ATP7B: variants seen among roughly 807,000 people sequenced by gnomAD.
ATP7B encodes copper-transporting ATPase 2.
In ATP7B, 113 loss-of-function variants were observed where a neutral mutation model predicts 118.9. That is an observed-to-expected ratio of 0.95 (90% confidence interval 0.82 to 1.11). The LOEUF (loss-of-function observed/expected upper bound fraction) is 1.11. Among genes scored for constraint, ATP7B ranks in the 50% most tolerant of loss-of-function variants. The pLI, the probability that ATP7B is intolerant of heterozygous loss-of-function variation, is 0.00. For missense variants in ATP7B, 1,867 were observed against 1,871.4 expected (o/e 1.00, Z 0.04); for synonymous variants, 777 against 727.4 (o/e 1.07, Z -1.10).
At chr13:51,942,089 G>A (rs561534543) in intron 15 of ATP7B, among the ~76,000 whole-genome samples, 20 of 152,182 alleles carry the variant, frequency 1.3e-4, no homozygotes, top group Non-Finnish European at 2.2e-4. Context: ...TGGAATTCCC[G>A]TCTGTCTACT....
chr13:51,964,752 A>G, intron 5 of ATP7B, 120 bp downstream of exon 5: 1 of 1,250,308 alleles, frequency 8.0e-7, no homozygotes, highest in Non-Finnish European at 1.1e-6. Flanking sequence ...TTTCCATGGG[A>G]AAAGTTGAAG....
intron 5 of ATP7B, 152 bp from the exon 6 acceptor site, chr13:51,962,065 T>C: frequency 3.1e-6 from 2 of 651,912 alleles, no homozygotes; most frequent in Non-Finnish European, 5.5e-6. Flanking sequence ...ACAACTTCTT[T>C]ACCCAATAGC....
intron 19 of ATP7B, 56 bp downstream of exon 19, chr13:51,937,219 TG>T: frequency 6.5e-7 from 1 of 1,545,836 alleles, no homozygotes; most frequent in Non-Finnish European, 8.9e-7. Flanking sequence ...AGCAGGAACC[TG>T]GGAGACAGAA....
chr13:52,011,376 C>G lies in ATP7B; in HGVS notation c.-39G>C. ...CACCGAATTCTTCTCTGATCTGGCT[C>G]AGAGCAAAAGGTCACCTGGTCGGTG... On this transcript the variant is annotated 5_prime_UTR_variant, in exon 1 of 21. Transcript: ENST00000242839. 6.2e-7 allele frequency: 1 copy of G among 1,614,092 alleles called. No individual in the cohort carries two copies. The highest frequency in any genetic ancestry group is 8.5e-7 in the Non-Finnish European group (1 of 1,179,918).
chr13:51,951,868 G>A (rs1958029611), intron 9 of ATP7B, among the ~76,000 whole-genome samples: 1 of 152,196 alleles, frequency 6.6e-6, no homozygotes, highest in East Asian at 1.9e-4. Flanking sequence ...ACAGACAAGG[G>A]GGAAATACTG....
At chr13:51,963,513 A>G (rs1593745730) in intron 5 of ATP7B, among the ~76,000 whole-genome samples, 1 of 152,066 alleles carries the variant, frequency 6.6e-6, no homozygotes, top group Non-Finnish European at 1.5e-5. Flanking sequence ...AGGCAGGTGG[A>G]TCACCTGACG....
intron 1 of ATP7B, among the ~76,000 whole-genome samples, chr13:51,991,990 T>G (rs9535826): frequency 0.41 from 63,013 of 152,026 alleles, 14,792 homozygotes; most frequent in East Asian, 0.53. Flanking sequence ...ACTCTGAGCT[T>G]TTACCAGTTA....
chr13:51,965,061 CAG>C, intron 4 of ATP7B, 28 bp from the exon 5 acceptor site: 1 of 1,613,374 alleles, frequency 6.2e-7, no homozygotes, highest in Non-Finnish European at 8.5e-7. Flanking sequence ...AAGAATCCCA[CAG>C]ACCCAGGATC....
intron 14 of ATP7B, among the ~76,000 whole-genome samples, chr13:51,942,785 G>A (rs1416316023): frequency 1.3e-5 from 2 of 152,146 alleles, no homozygotes; most frequent in East Asian, 1.9e-4. Context: ...GCTGTAAGTT[G>A]AATGAGACTA....
chr13:51,966,865 G>C (rs1435997648), intron 4 of ATP7B: 4 of 1,612,872 alleles, frequency 2.5e-6, no homozygotes, highest in Non-Finnish European at 3.4e-6. Context: ...GGCCAAGCCA[G>C]ATTGTATCAT....
intron 19 of ATP7B, among the ~76,000 whole-genome samples, chr13:51,936,853 T>G (rs1956995903): frequency 6.6e-6 from 1 of 152,120 alleles, no homozygotes; most frequent in South Asian, 2.1e-4. Flanking sequence ...CCATGATCAT[T>G]TGTGTAACTC....
chr13:51,980,950 C>T (rs1009113995), intron 1 of ATP7B, among the ~76,000 whole-genome samples: 6 of 152,066 alleles, frequency 3.9e-5, no homozygotes, highest in Admixed American at 1.3e-4. Context: ...CAAAAAAGTC[C>T]GGATTCTTTC....
chr13:52,011,714 T>C (rs1954044660), upstream of ATP7B, among the ~76,000 whole-genome samples: 1 of 152,190 alleles, frequency 6.6e-6, no homozygotes, highest in Non-Finnish European at 1.5e-5. Context: ...AGTGCCACAA[T>C]GTCCTCTGCC....
At chr13:51,946,565 G>T in intron 12 of ATP7B, 87 bp from the exon 13 acceptor site, 7 of 1,490,122 alleles carry the variant, frequency 4.7e-6, no homozygotes, top group South Asian at 1.2e-5. Context: ...TTTCAGGGGG[G>T]CACTGGACAC....
chr13:51,977,929 C>T (rs973593104), intron 1 of ATP7B, among the ~76,000 whole-genome samples: 1 of 152,174 alleles, frequency 6.6e-6, no homozygotes, highest in African/African-American at 2.4e-5. Flanking sequence ...ACAATATTAA[C>T]AGACAAATGA....
At chr13:52,000,964 G>A (rs915103680) in intron 1 of ATP7B, among the ~76,000 whole-genome samples, 2 of 152,172 alleles carry the variant, frequency 1.3e-5, no homozygotes, top group African/African-American at 2.4e-5. Flanking sequence ...AGGTTGCAGC[G>A]ATCTGTGATT....
intron 16 of ATP7B, among the ~76,000 whole-genome samples, chr13:51,940,212 C>T (rs543373378): frequency 8.3e-4 from 124 of 149,492 alleles, no homozygotes; most frequent in African/African-American, 2.9e-3. Context: ...GGGGTTTCTC[C>T]ATGTTGGTCA....
At chr13:51,957,412 C>T (rs192166380) in intron 9 of ATP7B, 104 bp downstream of exon 9, 2 of 1,182,990 alleles carry the variant, frequency 1.7e-6, no homozygotes, top group African/African-American at 3.0e-5. Context: ...TCTCTGCCCA[C>T]ACTCACAAGG....
At position 51,974,074 on chromosome 13, in the gene ATP7B, G is replaced by C; in HGVS notation, c.1146C>G (p.Ser382=). ...SCVHSIEGMI[S]QLEGVQQISV... Reference sequence around the variant, plus strand: ...ATATTTGCTGCACCCCTTCCAGTTGGGAGATCATGCCTTCAATGGAATGGA... The same window carrying C: ...ATATTTGCTGCACCCCTTCCAGTTGCGAGATCATGCCTTCAATGGAATGGA... Residue 382 remains serine (S), a synonymous_variant, in exon 2 of 21, where the codon TCC becomes TCG. Transcript: ENST00000242839. 1 of 1,614,052 alleles carries C rather than the reference G, an allele frequency of 6.2e-7. No homozygotes were observed. The highest frequency in any genetic ancestry group is 8.5e-7 in the Non-Finnish European group (1 of 1,179,944).
Sources: gnomAD v4.1 joint callset for allele counts (sites outside exome capture counted in the v4.1 genomes callset) on GRCh38, gnomAD v4.1.1 for gene constraint, MANE v1.5 for transcripts, NCBI Gene and HGNC (gene_info 2026-07-23, HGNC 2026-07-21) for gene names.